Variants in LRFN5 observed in about 807,000 individuals in gnomAD.
The protein encoded by LRFN5 is leucine rich repeat and fibronectin type III domain containing 5.
A neutral mutation model predicts 45.6 loss-of-function variants in LRFN5; 24 were observed. That is an observed-to-expected ratio of 0.53 (90% CI 0.38 to 0.74). LRFN5 has a LOEUF of 0.74. LRFN5 is among the 30% of genes least tolerant of loss of function. The pLI, the probability that LRFN5 is intolerant of heterozygous loss-of-function variation, is 0.00. For missense variants in LRFN5, 776 were observed against 861.5 expected (o/e 0.90, Z 1.24); for synonymous variants, 340 against 313.8 (o/e 1.08, Z -0.88).
chr14:41,898,464 C>A (rs367562870), intron 4 of LRFN5, among the ~76,000 whole-genome samples: 2 of 151,900 alleles, frequency 1.3e-5, no homozygotes, highest in African/African-American at 2.4e-5. Context: ...TTAAGTGATT[C>A]TTTTGTACTC....
At chr14:41,846,295 A>T (rs968897892) in intron 2 of LRFN5, among the ~76,000 whole-genome samples, 1 of 152,140 alleles carries the variant, frequency 6.6e-6, no homozygotes, top group Non-Finnish European at 1.5e-5. Flanking sequence ...ATATATTTGC[A>T]TATATTTACA....
At chr14:41,719,597 C>T (rs1021550598) in intron 1 of LRFN5, among the ~76,000 whole-genome samples, 5 of 152,030 alleles carry the variant, frequency 3.3e-5, no homozygotes, top group African/African-American at 9.7e-5. Context: ...TGCAACTTCA[C>T]TGCATTCTGT....
At chr14:41,662,441 A>T (rs1419299666) in intron 1 of LRFN5, among the ~76,000 whole-genome samples, 1 of 152,066 alleles carries the variant, frequency 6.6e-6, no homozygotes, top group African/African-American at 2.4e-5. Flanking sequence ...AACTAGAGAG[A>T]TAGATATATT....
At chr14:41,743,049 T>A (rs1190357620) in intron 1 of LRFN5, 1 of 156,142 alleles carries the variant, frequency 6.4e-6, no homozygotes, top group Admixed American at 6.5e-5. Flanking sequence ...GCTCCTCCTG[T>A]TTGGGGCTCT....
At chr14:41,731,405 T>A (rs560609556) in intron 1 of LRFN5, 1 of 152,298 alleles carries the variant, frequency 6.6e-6, no homozygotes, top group Non-Finnish European at 1.5e-5. Flanking sequence ...TTGTGCTAAC[T>A]CTTCACTGAT....
At chr14:41,655,184 C>A (rs1003504013) in intron 1 of LRFN5, among the ~76,000 whole-genome samples, 1 of 151,890 alleles carries the variant, frequency 6.6e-6, no homozygotes, top group African/African-American at 2.4e-5. Flanking sequence ...GATAGACTCC[C>A]CTCCTCTCCA....
chr14:41,858,245 C>G (rs1225046145), intron 2 of LRFN5, among the ~76,000 whole-genome samples: 2 of 152,224 alleles, frequency 1.3e-5, no homozygotes, highest in East Asian at 1.9e-4. Context: ...CAGGGCCTAT[C>G]GTAACCCTTT....
At chr14:41,873,307 A>T (rs1890080230) in intron 2 of LRFN5, among the ~76,000 whole-genome samples, 1 of 152,130 alleles carries the variant, frequency 6.6e-6, no homozygotes, top group Admixed American at 6.5e-5. Context: ...CTTTAGGGGT[A>T]GAAGAGCAGA....
intron 2 of LRFN5, among the ~76,000 whole-genome samples, chr14:41,848,238 AAAAC>A (rs1441420229): frequency 1.3e-5 from 2 of 152,086 alleles, no homozygotes; most frequent in Non-Finnish European, 2.9e-5. Context: ...AATAATAATA[AAAAC>A]AAACAAACAT....
chr14:41,783,699 A>C (rs904091446), intron 2 of LRFN5, among the ~76,000 whole-genome samples: 13 of 148,080 alleles, frequency 8.8e-5, no homozygotes, highest in Non-Finnish European at 1.3e-4. Flanking sequence ...CATGCCTTAA[A>C]AAAAGGGGAT....
At chr14:41,787,798 A>G (rs1307242659) in intron 2 of LRFN5, among the ~76,000 whole-genome samples, 1 of 151,698 alleles carries the variant, frequency 6.6e-6, no homozygotes, top group Non-Finnish European at 1.5e-5. Context: ...ATGCCGCAGT[A>G]TCTTCTGTAC....
chr14:41,665,317 A>G (rs1880847226), intron 1 of LRFN5, among the ~76,000 whole-genome samples: 1 of 152,018 alleles, frequency 6.6e-6, no homozygotes, highest in African/African-American at 2.4e-5. Flanking sequence ...AGAGTAACAA[A>G]TTAGAAATTA....
At chr14:41,792,478 C>T (rs1022874373) in intron 2 of LRFN5, among the ~76,000 whole-genome samples, 2 of 151,972 alleles carry the variant, frequency 1.3e-5, no homozygotes, top group Non-Finnish European at 2.9e-5. Flanking sequence ...CTTATCTCAA[C>T]CACATAAAAC....
At chr14:41,637,060 T>C (rs1192319650) in intron 1 of LRFN5, among the ~76,000 whole-genome samples, 2 of 152,180 alleles carry the variant, frequency 1.3e-5, no homozygotes, top group Non-Finnish European at 2.9e-5. Flanking sequence ...AAGAGAGACA[T>C]GAACAAGGCT....
intron 1 of LRFN5, among the ~76,000 whole-genome samples, chr14:41,703,449 TCTGA>T (rs200046497): frequency 0.011 from 1,671 of 152,282 alleles, 31 homozygotes; most frequent in African/African-American, 0.038. Flanking sequence ...ATTATTCCAT[TCTGA>T]CTATTTAATC....
In LRFN5 at chr14:41,757,207, G is replaced by A. The variant is rs1332675503; in HGVS notation, c.-196-9647G>A. Among the ~76,000 whole-genome samples the A allele has an allele frequency of 2.0e-5, 3 of 152,184 alleles. No homozygotes were observed. In the East Asian group the frequency reaches 5.8e-4, roughly 29 times the overall value. On this transcript the variant is annotated intron_variant, in intron 1 of 5. Coordinates refer to ENST00000298119, the MANE Select transcript of LRFN5 (RefSeq NM_152447.5). ...CCAGTTAGGCTACTCGGGGGTCAGG[G>A]ACCCACTTGAGGAGGCAGTCTGTTT... is the stretch of plus-strand genomic sequence containing the variant.
At chr14:41,781,348 C>T (rs776775845) in intron 2 of LRFN5, among the ~76,000 whole-genome samples, 2 of 151,758 alleles carry the variant, frequency 1.3e-5, no homozygotes, top group Admixed American at 6.6e-5. Context: ...GTAGTGAAAC[C>T]TCTTTTCTTC....
At chr14:41,843,047 A>G (rs1282521990) in intron 2 of LRFN5, among the ~76,000 whole-genome samples, 1 of 144,206 alleles carries the variant, frequency 6.9e-6, no homozygotes, top group Non-Finnish European at 1.5e-5. Flanking sequence ...CTCCCACTCT[A>G]TAGTTTGTTA....
intron 2 of LRFN5, among the ~76,000 whole-genome samples, chr14:41,801,165 C>T (rs1225614223): frequency 2.0e-5 from 3 of 151,864 alleles, no homozygotes; most frequent in East Asian, 1.9e-4. Context: ...CTTAGTTTCT[C>T]GTACTTAGCA....
Sources: allele counts gnomAD v4.1 joint callset (sites outside exome capture counted in the v4.1 genomes callset), GRCh38; gene constraint gnomAD v4.1.1; transcripts MANE v1.5; gene names NCBI Gene and HGNC (gene_info 2026-07-23, HGNC 2026-07-21).